The following BDP1 variants were observed in gnomAD, a reference collection of about 807,000 sequenced individuals.
The protein encoded by BDP1 is transcription factor TFIIIB component B'' homolog.
BDP1 carries 169 observed loss-of-function variants against 266.6 expected under a neutral mutation model. The ratio of observed to expected loss-of-function variants is 0.63; its 90% CI spans 0.56 to 0.72. BDP1 has a LOEUF of 0.72. Ranked by LOEUF, BDP1 falls within the 30% of genes least tolerant of loss-of-function variation. The pLI is 0.00. For missense variants in BDP1, 3,015 were observed against 3,053.8 expected (o/e 0.99, Z 0.30); for synonymous variants, 1,090 against 1,022.4 (o/e 1.07, Z -1.26).
At chr5:71,509,215 A>G (rs1184266374) in intron 16 of BDP1, among the ~76,000 whole-genome samples, 2 of 152,214 alleles carry the variant, frequency 1.3e-5, no homozygotes, top group East Asian at 1.9e-4. Flanking sequence ...AGACACTGTT[A>G]GGATCAAATA....
chr5:71,504,272 C>CAA (rs35372314), intron 15 of BDP1, among the ~76,000 whole-genome samples: 172 of 111,832 alleles, frequency 1.5e-3, no homozygotes, highest in Non-Finnish European at 1.8e-3. Context: ...GACTCCGTCT[C>CAA]AAAAAAAAAA....
chr5:71,500,576 C>T (rs1280458442), intron 13 of BDP1, among the ~76,000 whole-genome samples: 4 of 152,104 alleles, frequency 2.6e-5, no homozygotes, highest in East Asian at 1.9e-4. Context: ...GTCCACCTGC[C>T]TCAGCCTCCG....
chr5:71,507,844 T>G (rs1384977646), intron 16 of BDP1, among the ~76,000 whole-genome samples: 2 of 152,258 alleles, frequency 1.3e-5, no homozygotes, highest in East Asian at 1.9e-4. Context: ...AAAAGCAATC[T>G]TATTCCTAAG....
chr5:71,489,715 A>G (rs1001528902), intron 10 of BDP1, 33 bp downstream of exon 10: 1 of 1,551,792 alleles, frequency 6.4e-7, no homozygotes, highest in Non-Finnish European at 8.7e-7. Context: ...AAGCCTCTAT[A>G]TTACTTGAGA....
Position 71,553,213 on chromosome 5 carries a change from G to A in BDP1, c.7093G>A (p.Val2365Ile). The A allele has an allele frequency of 1.2e-6, 2 of 1,613,298 alleles. No homozygotes were observed. The highest frequency in any genetic ancestry group is 2.2e-5 in the South Asian group (2 of 91,048). ...SKKPPDNLDL[V>I]SRKRFQCRLD... ...AAAGCCGCCTGATAATTTGGATCTT[G>A]TATCTAGGAAGAGATTTCAATGCAG... Residue 2365 changes from valine to isoleucine, a missense_variant, in exon 35 of 39, where the codon GTA (valine) becomes ATA (isoleucine). This residue lies in a region of BDP1 where 629 missense variants were observed against 632.5 expected (regional missense o/e 0.99). Transcript: ENST00000358731.
intron 16 of BDP1, among the ~76,000 whole-genome samples, chr5:71,506,823 A>ACC (rs61407876): frequency 0.072 from 10,153 of 141,702 alleles, 458 homozygotes; most frequent in Non-Finnish European, 0.093. Context: ...ACACACACAC[A>ACC]CCCATATTTT....
chr5:71,472,373 A>C (rs1762305594), intron 7 of BDP1, among the ~76,000 whole-genome samples: 1 of 152,196 alleles, frequency 6.6e-6, no homozygotes, highest in South Asian at 2.1e-4. Flanking sequence ...AGGAAGGAGA[A>C]TCGCCTGAAC....
chr5:71,525,560 CCGGA>C (rs1334046187), intron 25 of BDP1, among the ~76,000 whole-genome samples: 13 of 67,318 alleles, frequency 1.9e-4, no homozygotes, highest in Non-Finnish European at 4.0e-4. Context: ...CACCTCCCTC[CCGGA>C]TGGGGCGGCT....
chr5:71,564,289 A>G (rs983109462), intron 38 of BDP1, among the ~76,000 whole-genome samples: 1 of 151,372 alleles, frequency 6.6e-6, no homozygotes, highest in Non-Finnish European at 1.5e-5. Flanking sequence ...GGTATCTTTG[A>G]TATGTTTTCT....
In BDP1 at chr5:71,489,642, C is replaced by T. The variant is rs758300443; in HGVS notation, c.1452C>T (p.Ala484=). The change falls in exon 10 of 39, where the codon GCC becomes GCT. Residue 484 remains alanine (A), a synonymous_variant. Transcript: ENST00000358731. ...ELGVNNLLEN[A]TVQAGPSKGE... ...GAGTAAACAATCTTTTAGAAAATGCCACTGTTCAGGCGGGTCCTTCTAAAG... is the reference window on the plus strand; with the variant it reads ...GAGTAAACAATCTTTTAGAAAATGCTACTGTTCAGGCGGGTCCTTCTAAAG... The T allele has an allele frequency of 5.4e-5, 87 of 1,613,800 alleles. No homozygotes were observed. The highest frequency in any genetic ancestry group is 8.5e-7 in the Non-Finnish European group (1 of 1,179,974).
chr5:71,512,193 T>C (rs1478206383), intron 17 of BDP1, 48 bp from the exon 18 acceptor site: 1 of 999,118 alleles, frequency 1.0e-6, no homozygotes, highest in African/African-American at 1.7e-5. Context: ...ATATAAGATG[T>C]TTAAATACTC....
intron 24 of BDP1, among the ~76,000 whole-genome samples, chr5:71,523,627 T>C (rs1561747521): frequency 6.6e-6 from 1 of 152,214 alleles, no homozygotes; most frequent in Non-Finnish European, 1.5e-5. Context: ...TCTGTGTCTT[T>C]TATCCCTTTT....
At chr5:71,493,850 T>C (rs1353455982) in intron 11 of BDP1, among the ~76,000 whole-genome samples, 1 of 152,218 alleles carries the variant, frequency 6.6e-6, no homozygotes, top group Non-Finnish European at 1.5e-5. Context: ...CGGGCAAAGA[T>C]AGAACTAACT....
rs11441119 is a variant in BDP1 at position 71,501,673 on chromosome 5, TAA to T, written c.2048+39_2048+40del. On this transcript the variant is annotated intron_variant, in intron 14 of 38. Coordinates refer to ENST00000358731, the MANE Select transcript of BDP1 (RefSeq NM_018429.3). ...ATCTGTGTGAGTATTCAGGAAGTAGTAAAAAAAAAAAAAAAAAAAAGTAACTC... is the reference window on the plus strand; with the variant it reads ...ATCTGTGTGAGTATTCAGGAAGTAGTAAAAAAAAAAAAAAAAAAGTAACTC... 0.11 allele frequency: 55,790 copies of T among 530,274 alleles called. 59 individuals are homozygous for T. Among genetic ancestry groups the T allele is most frequent in the East Asian group, 0.15 (4,219 of 28,938 alleles). 32.8% of individuals were successfully genotyped at this position (530,274 alleles called of 1,614,324 possible).
intron 6 of BDP1, among the ~76,000 whole-genome samples, chr5:71,468,984 G>A (rs1004431344): frequency 6.6e-6 from 1 of 152,106 alleles, no homozygotes; most frequent in Non-Finnish European, 1.5e-5. Context: ...AGATAAATAT[G>A]CTGTTAAAAA....
At chr5:71,555,384 C>G (rs1424064447) in intron 35 of BDP1, among the ~76,000 whole-genome samples, 1 of 150,764 alleles carries the variant, frequency 6.6e-6, no homozygotes, top group African/African-American at 2.4e-5. Context: ...GTTGATTCAC[C>G]TATTTGTTCT....
At chr5:71,517,032 C>T (rs1310934249) in intron 21 of BDP1, among the ~76,000 whole-genome samples, 1 of 152,022 alleles carries the variant, frequency 6.6e-6, no homozygotes. Flanking sequence ...TTTTTGGCAA[C>T]AGAATGTGAA....
chr5:71,523,460 T>G (rs995329377), intron 24 of BDP1, among the ~76,000 whole-genome samples: 1 of 152,026 alleles, frequency 6.6e-6, no homozygotes, highest in East Asian at 1.9e-4. Flanking sequence ...ATTACAGGCG[T>G]GCACCACCGT....
chr5:71,532,521 C>A, intron 26 of BDP1, 94 bp downstream of exon 26: 1 of 1,168,870 alleles, frequency 8.6e-7, no homozygotes, highest in Non-Finnish European at 1.2e-6. Context: ...TTTATAAACA[C>A]TTTACTTAGC....
Sources: gnomAD v4.1 joint callset for allele counts (sites outside exome capture counted in the v4.1 genomes callset) on GRCh38, gnomAD v4.1.1 for gene constraint, gnomAD v4.1.1 regional missense constraint, MANE v1.5 for transcripts, NCBI Gene and HGNC (gene_info 2026-07-23, HGNC 2026-07-21) for gene names.